PLXNA4: variants seen among roughly 807,000 people sequenced by gnomAD.
PLXNA4 encodes plexin A4.
In PLXNA4, 44 loss-of-function variants were observed where a neutral mutation model predicts 191.8. The observed-to-expected ratio is 0.23, with a 90% CI of 0.18 to 0.29. The LOEUF (loss-of-function observed/expected upper bound fraction) is 0.29, where lower values mean the gene tolerates loss of function less well. Among genes scored for constraint, PLXNA4 ranks in the 10% least tolerant of loss-of-function variants. The pLI is 1.00. For synonymous variants in PLXNA4, 1,082 were observed against 1,009.5 expected (o/e 1.07, Z -1.36); for missense variants, 1,800 against 2,488.8 (o/e 0.72, Z 5.89).
intron 26 of PLXNA4, 114 bp from the exon 27 acceptor site, chr7:132,148,113 C>T (rs1202012910): frequency 5.8e-5 from 87 of 1,503,904 alleles, no homozygotes. Context: ...TGCTGGAGAA[C>T]TAGGGGACTT....
intron 4 of PLXNA4, among the ~76,000 whole-genome samples, chr7:132,252,127 G>A (rs923478252): frequency 2.0e-5 from 3 of 152,074 alleles, no homozygotes; most frequent in Admixed American, 6.6e-5. Flanking sequence ...TCCATTGCAG[G>A]ATCAGGGCCA....
At chr7:132,619,921 C>T (rs1449704014) in intron 2 of PLXNA4, among the ~76,000 whole-genome samples, 3 of 152,250 alleles carry the variant, frequency 2.0e-5, no homozygotes, top group African/African-American at 7.2e-5. Context: ...CTGCCTCAGC[C>T]TCCTGAGTAG....
chr7:132,178,845 TACACACACACACAC>T lies in PLXNA4; in HGVS notation c.3874+828_3874+841del, dbSNP rs56027205. On this transcript the variant is annotated intron_variant, in intron 20 of 31. Coordinates refer to ENST00000321063, the MANE Select transcript of PLXNA4 (RefSeq NM_020911.2). ...TGAAACACATACACATACACATATATACACACACACACACACACACACACACACAGCCTCCAGCA... is the reference window on the plus strand; with the variant it reads ...TGAAACACATACACATACACATATATACACACACACACACAGCCTCCAGCA... Among the ~76,000 whole-genome samples the T allele has an allele frequency of 6.0e-5, 5 of 83,538 alleles. No homozygotes were observed. The South Asian group carries it at 1.7e-3, about 28-fold the overall frequency. The allele number at this position is 83,538 out of a possible 152,430, so 54.8% of individuals were successfully genotyped here. A position where few individuals can be genotyped will look rare whatever the true frequency, so the allele number is the denominator to read the frequency against.
At chr7:132,199,466 A>T (rs996804520) in intron 12 of PLXNA4, among the ~76,000 whole-genome samples, 31 of 152,164 alleles carry the variant, frequency 2.0e-4, no homozygotes, top group Non-Finnish European at 3.5e-4. Flanking sequence ...CATGATTAAA[A>T]TGTGAGGACT....
chr7:132,472,146 C>T (rs918152956), intron 3 of PLXNA4, among the ~76,000 whole-genome samples: 4 of 152,268 alleles, frequency 2.6e-5, no homozygotes, highest in South Asian at 4.1e-4. Flanking sequence ...CCTTTCTTTC[C>T]GATTCAATCT....
chr7:132,610,282 A>G (rs1803020248), intron 2 of PLXNA4, among the ~76,000 whole-genome samples: 1 of 152,110 alleles, frequency 6.6e-6, no homozygotes, highest in Non-Finnish European at 1.5e-5. Context: ...TAGTCACTAC[A>G]ATCCCTGGGC....
chr7:132,380,869 G>A (rs1215511087), intron 3 of PLXNA4, among the ~76,000 whole-genome samples: 1 of 152,202 alleles, frequency 6.6e-6, no homozygotes, highest in African/African-American at 2.4e-5. Context: ...ACGCCTTAGG[G>A]GGAAATGGCA....
At chr7:132,621,664 G>A (rs1803271362) in intron 2 of PLXNA4, among the ~76,000 whole-genome samples, 1 of 152,096 alleles carries the variant, frequency 6.6e-6, no homozygotes, top group African/African-American at 2.4e-5. Flanking sequence ...TGAAATTGCT[G>A]GGTCAAAGGA....
At chr7:132,304,047 T>G (rs2116536905) in intron 3 of PLXNA4, among the ~76,000 whole-genome samples, 1 of 152,308 alleles carries the variant, frequency 6.6e-6, no homozygotes, top group East Asian at 1.9e-4. Flanking sequence ...TCAGATTTAC[T>G]CAAAGCCACC....
intron 8 of PLXNA4, 94 bp downstream of exon 8, chr7:132,226,067 A>T: frequency 8.3e-7 from 1 of 1,206,108 alleles, no homozygotes; most frequent in Non-Finnish European, 1.2e-6. Flanking sequence ...GGGCTTCTAA[A>T]TGGTGACTCC....
At chr7:132,344,612 G>T (rs540918810) in intron 3 of PLXNA4, among the ~76,000 whole-genome samples, 13 of 152,150 alleles carry the variant, frequency 8.5e-5, no homozygotes, top group Admixed American at 2.0e-4. Context: ...CCTCCTGGAG[G>T]TTTAGCTTCC....
At chr7:132,478,427 G>C (rs1439108137) in intron 3 of PLXNA4, among the ~76,000 whole-genome samples, 1 of 152,204 alleles carries the variant, frequency 6.6e-6, no homozygotes, top group Non-Finnish European at 1.5e-5. Context: ...TCCTGTCTGA[G>C]ACAGAAAATC....
chr7:132,520,448 C>A (rs977519405), intron 1 of PLXNA4, among the ~76,000 whole-genome samples: 1 of 152,176 alleles, frequency 6.6e-6, no homozygotes, highest in Non-Finnish European at 1.5e-5. Context: ...CAGCAGGAGG[C>A]CTCCAAGCAT....
At chr7:132,328,281 C>T (rs572394263) in intron 3 of PLXNA4, among the ~76,000 whole-genome samples, 5 of 152,142 alleles carry the variant, frequency 3.3e-5, no homozygotes, top group Non-Finnish European at 7.3e-5. Flanking sequence ...GAAGCCTGTT[C>T]TCCATGAGCT....
In PLXNA4 at chr7:132,436,940, C is replaced by G. The variant is rs569089660; in HGVS notation, c.1371+52352G>C. 2.6e-5 allele frequency among the ~76,000 whole-genome samples: 4 copies of G among 152,288 alleles called. No individual in the cohort carries two copies. The East Asian group carries it at 7.7e-4, about 29-fold the overall frequency. On this transcript the variant is annotated intron_variant, in intron 3 of 31. Coordinates refer to ENST00000321063, the MANE Select transcript of PLXNA4 (RefSeq NM_020911.2). ...TTGGCCAGCTCAGATGCCACCCCTGCAGGAGCATGTGGAACCATCTGACTT... is the reference window on the plus strand; with the variant it reads ...TTGGCCAGCTCAGATGCCACCCCTGGAGGAGCATGTGGAACCATCTGACTT...
At chr7:132,156,337 T>C (rs1191818909) in intron 25 of PLXNA4, among the ~76,000 whole-genome samples, 3 of 152,000 alleles carry the variant, frequency 2.0e-5, no homozygotes, top group African/African-American at 7.3e-5. Flanking sequence ...GAGCAATGAA[T>C]AGACATGTCA....
At chr7:132,160,852 G>A (rs548861250) in intron 24 of PLXNA4, among the ~76,000 whole-genome samples, 26 of 152,242 alleles carry the variant, frequency 1.7e-4, no homozygotes, top group African/African-American at 6.0e-4. Context: ...TGGGCTCTGG[G>A]CACCTGCCTT....
intron 6 of PLXNA4, among the ~76,000 whole-genome samples, chr7:132,228,134 G>C (rs573040719): frequency 2.0e-5 from 3 of 152,168 alleles, no homozygotes; most frequent in Admixed American, 6.5e-5. Context: ...TTTATGAATA[G>C]AGCCTCTTCC....
At chr7:132,180,834 G>T in intron 18 of PLXNA4, 102 bp from the exon 19 acceptor site, 1 of 1,512,246 alleles carries the variant, frequency 6.6e-7, no homozygotes, top group Non-Finnish European at 8.9e-7. Flanking sequence ...CCGCTGGTGA[G>T]CTGGTGAAGA....
Sources: allele counts gnomAD v4.1 joint callset (sites outside exome capture counted in the v4.1 genomes callset), GRCh38; gene constraint gnomAD v4.1.1; transcripts MANE v1.5; gene names NCBI Gene and HGNC (gene_info 2026-07-23, HGNC 2026-07-21).